Variants in CFAP47 observed in about 807,000 individuals in gnomAD.
CFAP47 encodes cilia and flagella associated protein 47.
CFAP47 carries 29 observed loss-of-function variants against 148.1 expected under a neutral mutation model. That is an observed-to-expected ratio of 0.20 (90% CI 0.15 to 0.27). CFAP47 has a LOEUF of 0.27. Among genes scored for constraint, CFAP47 ranks in the 10% least tolerant of loss-of-function variants. The probability of loss-of-function intolerance (pLI) is 1.00; values close to 1 mark genes in which losing one functional copy is unlikely to be tolerated. For synonymous variants in CFAP47, 664 were observed against 577.3 expected (o/e 1.15, Z -2.15); for missense variants, 1,872 against 1,697.5 (o/e 1.10, Z -1.81).
chrX:36,231,025 A>T (rs1238473112), intron 46 of CFAP47, among the ~76,000 whole-genome samples: 1 of 105,365 alleles, frequency 9.5e-6, no homozygotes, highest in Non-Finnish European at 1.9e-5. Context: ...CTTGTAATAT[A>T]GTTTGAAGTC....
Position 36,092,618 on chromosome X carries a change from AT to A in CFAP47, c.4917-6163del, listed in dbSNP as rs1197224942. ...TTTAAAAGTTAACTATATAACTTTT[AT>A]TTTTTTTTTTTACTTTTTATTTTAA... On this transcript the variant is annotated intron_variant, in intron 30 of 63. Transcript: ENST00000378653. Among the ~76,000 whole-genome samples, 503 of 101,882 alleles carry A rather than the reference AT, an allele frequency of 4.9e-3. 1 individual carries two copies. The highest frequency in any genetic ancestry group is 0.015 in the African/African-American group (439 of 28,404). The allele number at this position is 101,882 out of a possible 115,157, so 88.5% of individuals were successfully genotyped here.
In CFAP47 at chrX:36,319,190, C is replaced by A. The variant is rs1475801129; in HGVS notation, c.8345-19C>A. 8.9e-6 allele frequency: 8 copies of A among 900,441 alleles called. No homozygotes were observed. In the Admixed American group the frequency reaches 2.5e-4, roughly 28 times the overall value. The allele number at this position is 900,441 out of a possible 1,213,427, so 74.2% of individuals were successfully genotyped here. ...TGAATGTGACATTGAAGTGTAATATCTCTTTATTTTTTAATTAGGTGTGGA... is the reference window on the plus strand; with the variant it reads ...TGAATGTGACATTGAAGTGTAATATATCTTTATTTTTTAATTAGGTGTGGA... On this transcript the variant is annotated intron_variant, in intron 56 of 63. Coordinates refer to ENST00000378653, the MANE Select transcript of CFAP47 (RefSeq NM_001304548.2).
At chrX:35,955,589 GC>G (rs1936232596) in intron 7 of CFAP47, among the ~76,000 whole-genome samples, 1 of 111,481 alleles carries the variant, frequency 9.0e-6, no homozygotes, top group Admixed American at 9.6e-5. Context: ...TATCAGAGAA[GC>G]CTTTTTGGAC....
At chrX:36,216,979 G>A (rs1449560745) in intron 45 of CFAP47, among the ~76,000 whole-genome samples, 3 of 111,718 alleles carry the variant, frequency 2.7e-5, no homozygotes, top group Non-Finnish European at 5.6e-5. Flanking sequence ...CTTGTCCCCA[G>A]GTAGGAAGGG....
At chrX:36,270,720 T>C (rs1439230200) in intron 49 of CFAP47, among the ~76,000 whole-genome samples, 1 of 105,704 alleles carries the variant, frequency 9.5e-6, no homozygotes, top group African/African-American at 3.4e-5. Context: ...ATATATAGTA[T>C]ATATATGATA....
At chrX:36,105,824 C>T (rs192908644) in intron 33 of CFAP47, among the ~76,000 whole-genome samples, 2 of 112,468 alleles carry the variant, frequency 1.8e-5, no homozygotes, top group East Asian at 2.8e-4. Flanking sequence ...TAAAAATTAA[C>T]GTGTTAATTT....
chrX:36,275,912 G>T (rs1354263531), intron 49 of CFAP47, among the ~76,000 whole-genome samples: 1 of 110,909 alleles, frequency 9.0e-6, no homozygotes, highest in Admixed American at 9.7e-5. Context: ...TCAAGAGACA[G>T]TTTTCGTAGA....
intron 57 of CFAP47, among the ~76,000 whole-genome samples, chrX:36,330,967 A>G (rs782219935): frequency 1.6e-4 from 18 of 111,327 alleles, no homozygotes; most frequent in African/African-American, 5.9e-4. Flanking sequence ...TACAATATCA[A>G]TATATATAAA....
chrX:36,188,614 T>A lies in CFAP47; in HGVS notation c.6105-6T>A. 1 of 297,574 alleles carries A rather than the reference T, an allele frequency of 3.4e-6. No homozygotes were observed. Among genetic ancestry groups the A allele is most frequent in the Non-Finnish European group, 5.9e-6 (1 of 170,112 alleles). The allele number at this position is 297,574 out of a possible 1,213,427, so 24.5% of individuals were successfully genotyped here. A position where few individuals can be genotyped will look rare whatever the true frequency, so the allele number is the denominator to read the frequency against. Reference sequence around the variant, plus strand: ...TTGATGTTGTTTTCCTATTTTCTTGTGTCAGTGATGATATGAGTAGCAGTG... The same window carrying A: ...TTGATGTTGTTTTCCTATTTTCTTGAGTCAGTGATGATATGAGTAGCAGTG... On this transcript the variant is annotated splice_polypyrimidine_tract_variant and splice_region_variant and intron_variant, in intron 40 of 63. Transcript: ENST00000378653.
chrX:36,079,845 A>G (rs984770830), intron 29 of CFAP47, among the ~76,000 whole-genome samples: 1 of 111,865 alleles, frequency 8.9e-6, no homozygotes, highest in East Asian at 2.8e-4. Flanking sequence ...AACCTAGGCT[A>G]TACCATTCAG....
chrX:36,101,638 A>G (rs753494356), intron 32 of CFAP47, among the ~76,000 whole-genome samples: 1 of 111,399 alleles, frequency 9.0e-6, no homozygotes, highest in East Asian at 2.8e-4. Context: ...TCTTTAGTTA[A>G]GGGGGTTTAA....
Position 36,149,131 on chromosome X carries a change from G to A in CFAP47, c.5694G>A (p.Ser1898=), listed in dbSNP as rs945247644. Residue 1898 remains serine, a synonymous_variant, in exon 37 of 64, where the codon TCG becomes TCA. Coordinates refer to ENST00000378653, the MANE Select transcript of CFAP47 (RefSeq NM_001304548.2). ...AGATTCTACTGAAAAATTCCAGCTC[G>A]CGAAACTTAGTGTATAATGCTAGAA... The part of the protein sequence containing the change: ...LNKILLKNSS[S]RNLVYNARIV... The A allele has an allele frequency of 3.1e-5, 9 of 293,784 alleles. No individual in the cohort carries two copies. Among genetic ancestry groups the A allele is most frequent in the Middle Eastern group, 1.8e-3 (2 of 1,124 alleles). The allele number at this position is 293,784 out of a possible 1,213,427, so 24.2% of individuals were successfully genotyped here. A position where few individuals can be genotyped will look rare whatever the true frequency, so the allele number is the denominator to read the frequency against.
intron 39 of CFAP47, among the ~76,000 whole-genome samples, chrX:36,165,752 T>C (rs935022415): frequency 4.5e-5 from 5 of 111,718 alleles, no homozygotes; most frequent in African/African-American, 9.7e-5. Context: ...ACCGTCATTT[T>C]TTCTTTATTC....
intron 18 of CFAP47, among the ~76,000 whole-genome samples, chrX:35,993,681 G>A (rs1001330134): frequency 9.0e-6 from 1 of 110,973 alleles, no homozygotes; most frequent in Non-Finnish European, 1.9e-5. Context: ...TTTCTACTAA[G>A]TTGAAATGGA....
At chrX:36,214,493 G>C (rs1940138037) in intron 45 of CFAP47, among the ~76,000 whole-genome samples, 1 of 110,410 alleles carries the variant, frequency 9.1e-6, no homozygotes, top group Non-Finnish European at 1.9e-5. Flanking sequence ...TAACTTTTTT[G>C]CTTTATAAAC....
At chrX:36,248,808 A>G (rs1418094841) in intron 48 of CFAP47, among the ~76,000 whole-genome samples, 1 of 111,059 alleles carries the variant, frequency 9.0e-6, no homozygotes. Context: ...TAATAAATTT[A>G]AAAGCGAGGT....
intron 21 of CFAP47, among the ~76,000 whole-genome samples, chrX:36,003,967 C>CTTTTTTTTTTTTTT (rs761024902): frequency 4.5e-5 from 3 of 66,389 alleles, no homozygotes; most frequent in African/African-American, 6.7e-5. Context: ...CTTTCTTTTT[C>CTTTTTTTTTTTTTT]TTTTTTTTTT....
intron 62 of CFAP47, among the ~76,000 whole-genome samples, chrX:36,374,333 T>C (rs1414683217): frequency 1.8e-5 from 2 of 111,210 alleles, no homozygotes; most frequent in Middle Eastern, 4.4e-3. Flanking sequence ...TTACAGATAA[T>C]TGTTCATAAT....
chrX:35,997,132 G>C (rs1936856946), intron 18 of CFAP47, among the ~76,000 whole-genome samples, 180 bp from the exon 19 acceptor site: 1 of 111,405 alleles, frequency 9.0e-6, no homozygotes, highest in Non-Finnish European at 1.9e-5. Flanking sequence ...CACTCACTTA[G>C]GAGTATCAAT....
Sources: gnomAD v4.1 joint callset for allele counts (sites outside exome capture counted in the v4.1 genomes callset) on GRCh38, gnomAD v4.1.1 for gene constraint, MANE v1.5 for transcripts, NCBI Gene and HGNC (gene_info 2026-07-23, HGNC 2026-07-21) for gene names.